Variants in CRACR2A observed in about 807,000 individuals in gnomAD.
The protein encoded by CRACR2A is calcium release activated channel regulator 2A.
A neutral mutation model predicts 90.5 loss-of-function variants in CRACR2A; 79 were observed. The observed-to-expected ratio is 0.87, with a 90% CI of 0.73 to 1.05. The LOEUF (loss-of-function observed/expected upper bound fraction) is 1.05, where lower values mean the gene tolerates loss of function less well. CRACR2A is among the 50% of genes least tolerant of loss of function. The pLI is 0.00. For missense variants in CRACR2A, 823 were observed against 897.2 expected, an observed-to-expected ratio of 0.92 and a Z score of 1.06; for synonymous variants, 338 against 356.7, an observed-to-expected ratio of 0.95 and a Z score of 0.59.
chr12:3,623,467 C>T (rs1328139966), intron 17 of CRACR2A, among the ~76,000 whole-genome samples: 2 of 152,150 alleles, frequency 1.3e-5, no homozygotes, highest in African/African-American at 2.4e-5. Flanking sequence ...GAAATACCAG[C>T]CCATACAGGC....
Position 3,673,611 on chromosome 12 carries a change from T to C in CRACR2A, c.525-19A>G. 5 of 1,610,848 alleles carry C rather than the reference T, an allele frequency of 3.1e-6. No homozygotes were observed. The highest frequency in any genetic ancestry group is 4.2e-6 in the Non-Finnish European group (5 of 1,179,320). On this transcript the variant is annotated intron_variant, in intron 6 of 19. Transcript: ENST00000440314. ...ACTTTCACTGCAAGAGAAGGGACGC[T>C]CATGTGGAAGTGTGGAGATGAGGCT...
At chr12:3,749,795 TTGTGTGTGTGTGTGTG>T (rs200387314) in intron 1 of CRACR2A, among the ~76,000 whole-genome samples, 19,548 of 144,636 alleles carry the variant, frequency 0.14, 1,722 homozygotes, top group Non-Finnish European at 0.19. Flanking sequence ...TGCTGTTTCT[TTGTGTGTGTGTGTGTG>T]TGTGTGTGTG....
At chr12:3,654,466 C>T in intron 9 of CRACR2A, 67 bp from the exon 10 acceptor site, 1 of 1,477,968 alleles carries the variant, frequency 6.8e-7, no homozygotes, top group Admixed American at 2.4e-5. Flanking sequence ...CCTGCCCTGG[C>T]CTCACCTTGT....
chr12:3,698,382 T>C (rs560999888), intron 3 of CRACR2A, among the ~76,000 whole-genome samples: 1 of 152,192 alleles, frequency 6.6e-6, no homozygotes, highest in Admixed American at 6.5e-5. Flanking sequence ...CAGGTTTCTC[T>C]GATTACCAGG....
intron 4 of CRACR2A, among the ~76,000 whole-genome samples, chr12:3,684,787 G>A (rs927815746): frequency 1.3e-5 from 2 of 152,212 alleles, no homozygotes; most frequent in African/African-American, 2.4e-5. Flanking sequence ...GCATGCTTGC[G>A]CTTGTGCCCA....
chr12:3,731,739 G>C (rs892207053), intron 2 of CRACR2A: 1 of 152,244 alleles, frequency 6.6e-6, no homozygotes. Flanking sequence ...TACTGGAGTA[G>C]GGCGGTTCCT....
intron 2 of CRACR2A, among the ~76,000 whole-genome samples, chr12:3,724,146 G>A (rs11062777): frequency 0.12 from 18,712 of 152,110 alleles, 1,258 homozygotes; most frequent in Middle Eastern, 0.21. Flanking sequence ...GTCAGGCGGC[G>A]TTTAATTGCT....
intron 4 of CRACR2A, among the ~76,000 whole-genome samples, chr12:3,683,105 G>A (rs1293311017): frequency 6.6e-6 from 1 of 152,162 alleles, no homozygotes; most frequent in Non-Finnish European, 1.5e-5. Context: ...AACTAAGTGA[G>A]ATAAGCAGGG....
In CRACR2A at chr12:3,636,009, C is replaced by T. The variant is rs1190094085; in HGVS notation, c.1602+2115G>A. Among the ~76,000 whole-genome samples, 9 of 152,282 alleles carry T rather than the reference C, an allele frequency of 5.9e-5. No individual in the cohort carries two copies. In the South Asian group the frequency reaches 6.2e-4, roughly 11 times the overall value. On this transcript the variant is annotated intron_variant, in intron 14 of 19. Transcript: ENST00000440314. The stretch of plus-strand genomic sequence containing the variant: ...TAAAGAGTTTTGAAAATACTTTTAA[C>T]AGCCGTATAATATTCTAGTGAATTA...
chr12:3,668,955 C>T (rs1448655255), intron 7 of CRACR2A, among the ~76,000 whole-genome samples: 1 of 152,308 alleles, frequency 6.6e-6, no homozygotes, highest in East Asian at 1.9e-4. Flanking sequence ...TTGTCAAGGC[C>T]GATGCCAAAC....
intron 8 of CRACR2A, among the ~76,000 whole-genome samples, chr12:3,657,136 C>G (rs1428828197): frequency 6.6e-6 from 1 of 152,206 alleles, no homozygotes; most frequent in East Asian, 1.9e-4. Flanking sequence ...GCCCCTGAGC[C>G]GAGCGGGACA....
chr12:3,687,187 CTTTTTTT>C (rs79317818), intron 4 of CRACR2A, among the ~76,000 whole-genome samples: 1 of 137,618 alleles, frequency 7.3e-6, no homozygotes, highest in Admixed American at 7.3e-5. Context: ...ATCCCATTTT[CTTTTTTT>C]TTTTTTTTAA....
rs1311691914 is a variant in CRACR2A, at chr12:3,638,289, CA to C, written c.1436del (p.Leu479ArgfsTer13). 1.2e-5 allele frequency: 19 copies of C among 1,551,644 alleles called. No individual in the cohort carries two copies. The highest frequency in any genetic ancestry group is 1.7e-5 in the Non-Finnish European group (19 of 1,146,962). ...RRIISVEEDP[L>X]PQLLDGGFEQ... ...CAAAGCCACCATCCAGGAGCTGGGG[CA>C]GGGGGTCTTCTTCAACGGAGATGAT... is the stretch of plus-strand genomic sequence containing the variant. On this transcript the variant is annotated frameshift_variant, in exon 14 of 20. Coordinates refer to ENST00000440314, the MANE Select transcript of CRACR2A (RefSeq NM_001144958.2). LOFTEE classifies it high-confidence loss of function.
At chr12:3,683,027 T>G (rs1945487080) in intron 4 of CRACR2A, among the ~76,000 whole-genome samples, 1 of 152,170 alleles carries the variant, frequency 6.6e-6, no homozygotes, top group Non-Finnish European at 1.5e-5. Flanking sequence ...GTGATCCACC[T>G]GCCTTGGCCT....
At chr12:3,731,644 T>A (rs1404311664) in intron 2 of CRACR2A, 1 of 152,216 alleles carries the variant, frequency 6.6e-6, no homozygotes, top group Non-Finnish European at 1.5e-5. Context: ...GATCTCCACA[T>A]TGAAGTCCTA....
intron 2 of CRACR2A, chr12:3,730,643 T>C (rs1946346689): frequency 6.6e-6 from 1 of 152,128 alleles, no homozygotes; most frequent in Non-Finnish European, 1.5e-5. Context: ...GAGGAAGCTC[T>C]CCACATACTG....
chr12:3,643,912 T>TA (rs1944635188), intron 12 of CRACR2A, among the ~76,000 whole-genome samples: 1 of 110,676 alleles, frequency 9.0e-6, no homozygotes, highest in Non-Finnish European at 1.8e-5. Context: ...TTATATATAT[T>TA]TATATTATAT....
chr12:3,720,435 GAAAGAAAGAAAGAAAGAAAGAAA>G, intron 2 of CRACR2A, among the ~76,000 whole-genome samples: 1 of 83,394 alleles, frequency 1.2e-5, no homozygotes, highest in African/African-American at 4.3e-5. Flanking sequence ...AAGAAAGAAA[GAAAGAAAGAAAGAAAGAAAGAAA>G]GAAAGAAAGC....
intron 1 of CRACR2A, among the ~76,000 whole-genome samples, chr12:3,745,815 TAAAATA>T (rs1294322540): frequency 0.073 from 425 of 5,854 alleles, 2 homozygotes; most frequent in African/African-American, 0.13. Flanking sequence ...TAAAATAAAA[TAAAATA>T]AAATAAAGAA....
Sources: allele counts gnomAD v4.1 joint callset (sites outside exome capture counted in the v4.1 genomes callset), GRCh38; gene constraint gnomAD v4.1.1; transcripts MANE v1.5; gene names NCBI Gene and HGNC (gene_info 2026-07-23, HGNC 2026-07-21).